Variants in SNTG2 observed in about 807,000 individuals in gnomAD.
The protein encoded by SNTG2 is gamma-2-syntrophin.
Under a neutral mutation model 70.9 loss-of-function variants are expected in SNTG2, and 74 were observed. The ratio of observed to expected loss-of-function variants is 1.04; its 90% CI spans 0.86 to 1.27. The LOEUF is 1.27. Among genes scored for constraint, SNTG2 ranks in the 50% most tolerant of loss-of-function variants. The probability of loss-of-function intolerance (pLI) is 0.00; values close to 1 mark genes in which losing one functional copy is unlikely to be tolerated. For synonymous variants in SNTG2, 278 were observed against 273.8 expected (o/e 1.02, Z -0.15); for missense variants, 717 against 690.7 (o/e 1.04, Z -0.43).
intron 1 of SNTG2, among the ~76,000 whole-genome samples, chr2:1,048,634 A>G (rs1427514747): frequency 6.6e-6 from 1 of 152,118 alleles, no homozygotes; most frequent in Non-Finnish European, 1.5e-5. Flanking sequence ...CACTTTAAAC[A>G]TCCTTTCATA....
At chr2:1,365,280 A>G (rs1661417927) in intron 16 of SNTG2, among the ~76,000 whole-genome samples, 1 of 152,222 alleles carries the variant, frequency 6.6e-6, no homozygotes, top group African/African-American at 2.4e-5. Flanking sequence ...TTATGAAACT[A>G]CCTAAAGACT....
intron 9 of SNTG2, among the ~76,000 whole-genome samples, chr2:1,225,053 T>A (rs1675680672): frequency 6.6e-6 from 1 of 152,382 alleles, no homozygotes; most frequent in East Asian, 1.9e-4. Flanking sequence ...ACTGAGGTTG[T>A]GAATCGGAGA....
At chr2:1,306,037 G>A (rs903868161) in intron 14 of SNTG2, among the ~76,000 whole-genome samples, 3 of 152,178 alleles carry the variant, frequency 2.0e-5, no homozygotes, top group Non-Finnish European at 2.9e-5. Context: ...TCTAGAGATT[G>A]AGTAGCTTTC....
chr2:1,003,617 A>C (rs1304053853), intron 1 of SNTG2, among the ~76,000 whole-genome samples: 1 of 152,140 alleles, frequency 6.6e-6, no homozygotes, highest in Non-Finnish European at 1.5e-5. Flanking sequence ...CCTTGGGTGC[A>C]TTTGCCTGGC....
chr2:1,169,300 G>A (rs1338727164), intron 7 of SNTG2, among the ~76,000 whole-genome samples: 1 of 152,096 alleles, frequency 6.6e-6, no homozygotes, highest in Non-Finnish European at 1.5e-5. Context: ...TTGCTAAGTG[G>A]GGGTGGGAGG....
intron 1 of SNTG2, among the ~76,000 whole-genome samples, chr2:1,063,085 G>A (rs556578586): frequency 6.6e-6 from 1 of 152,198 alleles, no homozygotes; most frequent in Non-Finnish European, 1.5e-5. Context: ...GCAAGAGACT[G>A]TAGTAACCAC....
chr2:1,053,652 C>G (rs891839420), intron 1 of SNTG2, among the ~76,000 whole-genome samples: 1 of 152,102 alleles, frequency 6.6e-6, no homozygotes, highest in African/African-American at 2.4e-5. Context: ...CCATCTCTGT[C>G]GTCCTCTCCA....
At chr2:953,287 T>C (rs1171070043) in intron 1 of SNTG2, among the ~76,000 whole-genome samples, 1 of 152,274 alleles carries the variant, frequency 6.6e-6, no homozygotes, top group Non-Finnish European at 1.5e-5. Context: ...GAAGTGTGTC[T>C]TGCTTGTAGC....
intron 4 of SNTG2, among the ~76,000 whole-genome samples, chr2:1,116,049 G>C (rs568052583): frequency 6.6e-6 from 1 of 152,290 alleles, no homozygotes; most frequent in Non-Finnish European, 1.5e-5. Context: ...CACTAGTGAG[G>C]GAATATCATG....
At chr2:1,083,264 A>G (rs1005538460) in intron 1 of SNTG2, among the ~76,000 whole-genome samples, 12 of 147,438 alleles carry the variant, frequency 8.1e-5, no homozygotes, top group Non-Finnish European at 1.5e-4. Context: ...AAAAAAACAA[A>G]CGCCTGGCTA....
chr2:1,202,565 A>T lies in SNTG2; in HGVS notation c.592-6538A>T, dbSNP rs1673343815. ...CCAATAGCAACATGTAATTAAGCCCAGCAGTATGAGAATCACATTAAATAT... is the reference window on the plus strand; with the variant it reads ...CCAATAGCAACATGTAATTAAGCCCTGCAGTATGAGAATCACATTAAATAT... On this transcript the variant is annotated intron_variant, in intron 8 of 16. Coordinates refer to ENST00000308624, the MANE Select transcript of SNTG2 (RefSeq NM_018968.4). Among the ~76,000 whole-genome samples the T allele has an allele frequency of 2.0e-5, 3 of 152,160 alleles. No homozygotes were observed. The South Asian group carries it at 6.2e-4, about 31-fold the overall frequency.
At chr2:1,349,180 T>C (rs1411037682) in intron 16 of SNTG2, among the ~76,000 whole-genome samples, 1 of 152,230 alleles carries the variant, frequency 6.6e-6, no homozygotes, top group Non-Finnish European at 1.5e-5. Context: ...CCAAACTGTC[T>C]TTGTGCTCTG....
At chr2:1,104,824 C>G (rs72764972) in intron 4 of SNTG2, among the ~76,000 whole-genome samples, 10,657 of 152,314 alleles carry the variant, frequency 0.07, 491 homozygotes, top group Non-Finnish European at 0.11. Flanking sequence ...TCTTTCCGTC[C>G]TCCCGTGGCA....
intron 2 of SNTG2, among the ~76,000 whole-genome samples, chr2:1,092,087 A>G (rs1300648668): frequency 6.6e-6 from 1 of 152,346 alleles, no homozygotes; most frequent in East Asian, 1.9e-4. Context: ...GCCCCCTCAC[A>G]TAGCCCCAGG....
At chr2:1,197,768 A>G (rs544892481) in intron 8 of SNTG2, among the ~76,000 whole-genome samples, 1 of 152,108 alleles carries the variant, frequency 6.6e-6, no homozygotes, top group Admixed American at 6.5e-5. Flanking sequence ...TCCCGGGCTC[A>G]AGTGATCCAA....
At chr2:1,306,746 CTG>C (rs1055488259) in intron 14 of SNTG2, among the ~76,000 whole-genome samples, 1 of 148,646 alleles carries the variant, frequency 6.7e-6, no homozygotes, top group East Asian at 2.0e-4. Context: ...GTGAGCCACA[CTG>C]TGTGTGTCAG....
At chr2:1,209,071 T>C (rs763641608) in intron 8 of SNTG2, 32 bp from the exon 9 acceptor site, 5 of 1,611,390 alleles carry the variant, frequency 3.1e-6, no homozygotes, top group South Asian at 1.1e-5. Flanking sequence ...CCTCTGCCTC[T>C]GTGACGCTTC....
intron 16 of SNTG2, among the ~76,000 whole-genome samples, chr2:1,329,643 T>C (rs1180816488): frequency 1.3e-5 from 2 of 152,198 alleles, no homozygotes; most frequent in Admixed American, 1.3e-4. Context: ...GAAGAAAATA[T>C]AATTGCTTTT....
chr2:1,161,370 G>C (rs1670261719), intron 6 of SNTG2: 1 of 78,406 alleles, frequency 1.3e-5, no homozygotes. Context: ...GCTGTGTTGA[G>C]AGAGAGAGAG....
Sources: allele counts gnomAD v4.1 joint callset (sites outside exome capture counted in the v4.1 genomes callset), GRCh38; gene constraint gnomAD v4.1.1; transcripts MANE v1.5; gene names NCBI Gene and HGNC (gene_info 2026-07-23, HGNC 2026-07-21).